HNRNPC: variants seen among roughly 807,000 people sequenced by gnomAD.
The protein encoded by HNRNPC is heterogeneous nuclear ribonucleoprotein C.
HNRNPC carries 3 observed loss-of-function variants against 33.2 expected under a neutral mutation model. The ratio of observed to expected loss-of-function variants is 0.09; its 90% CI spans 0.04 to 0.23. HNRNPC has a LOEUF of 0.23. HNRNPC is among the 10% of genes least tolerant of loss of function. The pLI is 1.00. For synonymous variants in HNRNPC, 121 were observed against 126.7 expected, an observed-to-expected ratio of 0.96 and a Z score of 0.30; for missense variants, 143 against 366.7, an observed-to-expected ratio of 0.39 and a Z score of 4.98.
intron 5 of HNRNPC, among the ~76,000 whole-genome samples, chr14:21,229,199 G>C (rs1281167266): frequency 6.6e-6 from 1 of 151,484 alleles, no homozygotes; most frequent in Non-Finnish European, 1.5e-5. Context: ...GATCATCCTG[G>C]CTAACACGAT....
intron 6 of HNRNPC, among the ~76,000 whole-genome samples, chr14:21,212,487 G>A (rs1334146872): frequency 6.6e-6 from 1 of 151,856 alleles, no homozygotes; most frequent in Non-Finnish European, 1.5e-5. Flanking sequence ...AAATTACCTA[G>A]CTGTTGCAGT....
At position 21,210,171 on chromosome 14, in the gene HNRNPC, C is replaced by T. The variant is rs1222488663; in HGVS notation, c.*1052G>A. On this transcript the variant is annotated 3_prime_UTR_variant, in exon 9 of 9. Coordinates refer to ENST00000553300, the MANE Select transcript of HNRNPC (RefSeq NM_004500.4). The stretch of plus-strand genomic sequence containing the variant: ...CAGGGGGGTTCCATTATGCAGCTGT[C>T]GCCATTTTCCTGAAATCTTGATGTT... The T allele has an allele frequency of 6.6e-6, 1 of 152,082 alleles. No homozygotes were observed. Among genetic ancestry groups the T allele is most frequent in the Admixed American group, 6.6e-5 (1 of 15,262 alleles). 9.4% of individuals were successfully genotyped at this position (152,082 alleles called of 1,614,324 possible).
At chr14:21,265,932 A>C (rs1473475020) in intron 1 of HNRNPC, among the ~76,000 whole-genome samples, 2 of 152,218 alleles carry the variant, frequency 1.3e-5, no homozygotes, top group African/African-American at 2.4e-5. Flanking sequence ...CCTGGAACTT[A>C]CTAGAAGTGC....
chr14:21,216,096 A>G (rs1892150659), intron 5 of HNRNPC, among the ~76,000 whole-genome samples: 1 of 148,986 alleles, frequency 6.7e-6, no homozygotes, highest in Non-Finnish European at 1.5e-5. Context: ...GCGACAGAGT[A>G]AAAACTTTTG....
chr14:21,259,810 C>T (rs1024151708), intron 2 of HNRNPC, among the ~76,000 whole-genome samples: 1 of 147,854 alleles, frequency 6.8e-6, no homozygotes, highest in East Asian at 2.0e-4. Flanking sequence ...ATTAGAAAGA[C>T]ATTCCTAAAA....
At chr14:21,230,269 G>C (rs747597460) in intron 5 of HNRNPC, 50 bp downstream of exon 5, 23 of 1,307,190 alleles carry the variant, frequency 1.8e-5, no homozygotes, top group Middle Eastern at 3.9e-4. Context: ...AGAACGAAAT[G>C]GTTCTCACTA....
intron 2 of HNRNPC, among the ~76,000 whole-genome samples, chr14:21,250,795 C>A (rs1896561150): frequency 6.6e-6 from 1 of 152,132 alleles, no homozygotes. Context: ...AATTCCCAAG[C>A]CAAGTAATAA....
At chr14:21,241,620 C>T (rs1895354337) in intron 2 of HNRNPC, among the ~76,000 whole-genome samples, 1 of 152,186 alleles carries the variant, frequency 6.6e-6, no homozygotes, top group South Asian at 2.1e-4. Context: ...TACCCTATCC[C>T]ACATTACTCT....
chr14:21,214,676 T>C (rs957521389), intron 5 of HNRNPC, among the ~76,000 whole-genome samples: 6 of 152,210 alleles, frequency 3.9e-5, no homozygotes, highest in Non-Finnish European at 7.3e-5. Context: ...AAAAAGATAC[T>C]GAGTAACTTT....
chr14:21,243,325 C>G (rs1398896864), intron 2 of HNRNPC, among the ~76,000 whole-genome samples: 1 of 152,118 alleles, frequency 6.6e-6, no homozygotes, highest in Non-Finnish European at 1.5e-5. Context: ...GCTGAAGTAT[C>G]ATGTCAACAA....
chr14:21,241,849 C>A (rs1215028593), intron 2 of HNRNPC, among the ~76,000 whole-genome samples: 1 of 152,190 alleles, frequency 6.6e-6, no homozygotes, highest in Admixed American at 6.5e-5. Context: ...GGGGATATTA[C>A]TAAGACATTT....
At chr14:21,223,698 G>A (rs992373791) in intron 5 of HNRNPC, among the ~76,000 whole-genome samples, 11 of 152,082 alleles carry the variant, frequency 7.2e-5, no homozygotes, top group African/African-American at 2.7e-4. Flanking sequence ...GCCGTGAGCA[G>A]TGATGCGCCA....
chr14:21,249,593 C>CAAAAAAA lies in HNRNPC; in HGVS notation c.-37+13711_-37+13717dup, dbSNP rs756880620. Among the ~76,000 whole-genome samples, 472 of 82,388 alleles carry CAAAAAAA rather than the reference C, an allele frequency of 5.7e-3. 1 individual carries two copies. Among genetic ancestry groups the CAAAAAAA allele is most frequent in the Middle Eastern group, 0.016 (2 of 126 alleles). 54.0% of individuals were successfully genotyped at this position (82,388 alleles called of 152,430 possible). ...AAGAGCGAAAACTGTGTCTCAAAAA[C>CAAAAAAA]AAAAAAAAAAAAAAAAAAAAAAGAA... is the stretch of plus-strand genomic sequence containing the variant. On this transcript the variant is annotated intron_variant, in intron 2 of 8. Transcript: ENST00000553300.
intron 5 of HNRNPC, among the ~76,000 whole-genome samples, chr14:21,223,463 G>A (rs979637247): frequency 6.6e-6 from 1 of 152,038 alleles, no homozygotes; most frequent in Non-Finnish European, 1.5e-5. Context: ...CAAAATTTAA[G>A]TCCAGCCAGA....
At chr14:21,267,963 G>A (rs1450897962) in intron 1 of HNRNPC, among the ~76,000 whole-genome samples, 1 of 152,070 alleles carries the variant, frequency 6.6e-6, no homozygotes, top group African/African-American at 2.4e-5. Context: ...GAAAGGGGTC[G>A]CGATGTTTTT....
At chr14:21,235,920 C>T (rs980935430) in intron 2 of HNRNPC, among the ~76,000 whole-genome samples, 1 of 152,088 alleles carries the variant, frequency 6.6e-6, no homozygotes, top group Non-Finnish European at 1.5e-5. Context: ...AGGGAAAAAA[C>T]CCATCAAACC....
intron 5 of HNRNPC, among the ~76,000 whole-genome samples, chr14:21,227,062 A>C (rs1295061563): frequency 6.6e-6 from 1 of 152,098 alleles, no homozygotes. Context: ...ATGAATCTTC[A>C]GAATGACTTC....
At chr14:21,211,668 C>G in intron 7 of HNRNPC, 102 bp from the exon 8 acceptor site, 1 of 1,456,110 alleles carries the variant, frequency 6.9e-7, no homozygotes, top group South Asian at 1.3e-5. Context: ...TCTAAATCCT[C>G]CCACACAAAT....
chr14:21,221,079 C>T (rs1892780297), intron 5 of HNRNPC, among the ~76,000 whole-genome samples: 1 of 152,110 alleles, frequency 6.6e-6, no homozygotes, highest in Non-Finnish European at 1.5e-5. Context: ...AGAGCAAGAT[C>T]CTGTCTCAAA....
Sources: allele counts gnomAD v4.1 joint callset (sites outside exome capture counted in the v4.1 genomes callset), GRCh38; gene constraint gnomAD v4.1.1; transcripts MANE v1.5; gene names NCBI Gene and HGNC (gene_info 2026-07-23, HGNC 2026-07-21).